Variants in ZFHX3 observed in about 807,000 individuals in gnomAD.
ZFHX3 encodes the protein zinc finger homeobox 3, also known as zinc finger homeobox protein 3.
A neutral mutation model predicts 279.1 loss-of-function variants in ZFHX3; 42 were observed. The ratio of observed to expected loss-of-function variants is 0.15; its 90% confidence interval spans 0.12 to 0.19. ZFHX3 has a LOEUF of 0.19. ZFHX3 is among the 10% of genes least tolerant of loss of function. The pLI is 1.00. For missense variants in ZFHX3, 4,981 were observed against 4,754.0 expected (o/e 1.05, Z -1.40); for synonymous variants, 2,293 against 1,957.8 (o/e 1.17, Z -4.52).
At chr16:73,096,830 T>G (rs1352620353) in intron 7 of ZFHX3, among the ~76,000 whole-genome samples, 1 of 152,040 alleles carries the variant, frequency 6.6e-6, no homozygotes, top group Non-Finnish European at 1.5e-5. Context: ...AAGCTTGCCT[T>G]TAGAACCTCA....
intron 1 of ZFHX3, among the ~76,000 whole-genome samples, chr16:73,055,696 G>GTGCA (rs1965536468): frequency 1.1e-5 from 1 of 94,692 alleles, no homozygotes; most frequent in African/African-American, 3.2e-5. Context: ...GCGCGCGCGC[G>GTGCA]CGCACACACA....
intron 8 of ZFHX3, among the ~76,000 whole-genome samples, chr16:73,090,972 G>A (rs1966071216): frequency 6.7e-6 from 1 of 149,754 alleles, no homozygotes; most frequent in Admixed American, 6.6e-5. Context: ...AGCACTTTGG[G>A]AGGCTGTGGC....
chr16:73,759,721 T>C (rs988277286), intron 1 of ZFHX3, among the ~76,000 whole-genome samples: 2 of 152,192 alleles, frequency 1.3e-5, no homozygotes, highest in Non-Finnish European at 2.9e-5. Context: ...AACTGGAGGA[T>C]ACTTTGGTTT....
intron 3 of ZFHX3, among the ~76,000 whole-genome samples, chr16:72,909,531 C>G (rs1004650768): frequency 1.2e-4 from 18 of 151,258 alleles, no homozygotes; most frequent in African/African-American, 4.4e-4. Context: ...TCACACACAC[C>G]CTCTTAAACA....
rs2229287 is a variant in ZFHX3 at position 72,794,435 on chromosome 16, C to T, written c.8247G>A (p.Ala2749=). 1.3e-3 allele frequency: 2,042 copies of T among 1,613,636 alleles called. 27 individuals are homozygous for T. The African/African-American group carries it at 0.023, about 18-fold the overall frequency. The part of the protein sequence containing the change: ...KRAGYNLTLS[A]MLLDCDGGLQ... ...GTCCCCCATCACAGTCTAAGAGCAT[C>T]GCAGACAGAGTTAGGTTGTAGCCAG... The change falls in exon 9 of 10, where the codon GCG becomes GCA. Residue 2749 remains alanine (A), a synonymous_variant. Transcript: ENST00000268489. The surrounding 1 kb of genome is among the most constrained non-coding windows in gnomAD (Gnocchi z 4.2).
intron 3 of ZFHX3, among the ~76,000 whole-genome samples, chr16:73,321,189 C>T (rs1715536561): frequency 1.3e-5 from 2 of 152,316 alleles, no homozygotes; most frequent in South Asian, 4.1e-4. Flanking sequence ...CGTGATAGAA[C>T]ATTGCTCTCT....
chr16:73,321,688 A>G (rs1393577139), intron 3 of ZFHX3, among the ~76,000 whole-genome samples: 1 of 152,212 alleles, frequency 6.6e-6, no homozygotes, highest in Non-Finnish European at 1.5e-5. Context: ...CACCAGAGAG[A>G]GGCAGGCCTG....
chr16:73,597,059 C>T (rs2052058436), intron 2 of ZFHX3, among the ~76,000 whole-genome samples: 1 of 152,184 alleles, frequency 6.6e-6, no homozygotes, highest in Admixed American at 6.5e-5. Flanking sequence ...ACCATATGTA[C>T]TGTTCTCCAG....
intron 2 of ZFHX3, among the ~76,000 whole-genome samples, chr16:73,508,194 A>G (rs991152892): frequency 1.3e-5 from 2 of 151,514 alleles, no homozygotes; most frequent in Non-Finnish European, 3.0e-5. Context: ...CCTCAATGCC[A>G]TCTGTGAAAG....
chr16:72,823,953 GA>G (rs900016690), intron 5 of ZFHX3, among the ~76,000 whole-genome samples: 2 of 150,226 alleles, frequency 1.3e-5, no homozygotes, highest in African/African-American at 4.9e-5. Flanking sequence ...TTGGAAAAAC[GA>G]AAAAAAAAGT....
intron 4 of ZFHX3, among the ~76,000 whole-genome samples, chr16:73,315,430 G>A (rs12716874): frequency 0.87 from 132,934 of 152,062 alleles, 58,589 homozygotes; most frequent in African/African-American, 0.94. Flanking sequence ...TAGGAAAATC[G>A]CTCTTGATAT....
intron 5 of ZFHX3, among the ~76,000 whole-genome samples, chr16:72,826,375 G>A (rs901906611): frequency 2.0e-5 from 3 of 152,128 alleles, no homozygotes; most frequent in African/African-American, 7.2e-5. Flanking sequence ...ATCATGAACA[G>A]CCACTAATCA....
chr16:72,787,769 G>T lies in ZFHX3; in HGVS notation c.10507C>A (p.His3503Asn), dbSNP rs1202774886. ...CCGCCGCCGCCGCCGGTGGGGACGT[G>T]AAGCACCATCTCTTGCAGGTTCACC... is the stretch of plus-strand genomic sequence containing the variant. The part of the protein sequence containing the change: ...SVVNLQEMVL[H>N]VPTGGGGGGS... The change falls in exon 10 of 10, where the codon CAC becomes AAC. Residue 3503 changes from histidine to asparagine, a missense_variant. Coordinates refer to ENST00000268489, the MANE Select transcript of ZFHX3 (RefSeq NM_006885.4). 3 of 1,470,576 alleles carry T rather than the reference G, an allele frequency of 2.0e-6. No homozygotes were observed. The highest frequency in any genetic ancestry group is 2.7e-6 in the Non-Finnish European group (3 of 1,108,122). 91.1% of individuals were successfully genotyped at this position (1,470,576 alleles called of 1,614,324 possible). A position where few individuals can be genotyped will look rare whatever the true frequency, so the allele number is the denominator to read the frequency against.
At chr16:73,161,107 G>A (rs1341562651) in intron 5 of ZFHX3, among the ~76,000 whole-genome samples, 1 of 152,042 alleles carries the variant, frequency 6.6e-6, no homozygotes, top group Admixed American at 6.5e-5. Flanking sequence ...CGAGTAGCTG[G>A]GACTACAGGC....
At chr16:72,924,117 C>T (rs930523523) in intron 3 of ZFHX3, among the ~76,000 whole-genome samples, 3 of 152,174 alleles carry the variant, frequency 2.0e-5, no homozygotes, top group African/African-American at 7.2e-5. Context: ...CAAGGAGAGG[C>T]TCACATTTTG....
At chr16:73,094,065 C>T (rs1567661561) in intron 7 of ZFHX3, among the ~76,000 whole-genome samples, 2 of 152,184 alleles carry the variant, frequency 1.3e-5, no homozygotes, top group South Asian at 2.1e-4. Context: ...GTGTGGACCC[C>T]CCCAACCCCC....
At chr16:73,191,912 C>G (rs904195342) in intron 5 of ZFHX3, among the ~76,000 whole-genome samples, 5 of 152,290 alleles carry the variant, frequency 3.3e-5, no homozygotes, top group African/African-American at 1.2e-4. Flanking sequence ...ATGTTGGGAG[C>G]AGAGGGAAGG....
intron 2 of ZFHX3, among the ~76,000 whole-genome samples, chr16:73,539,087 CAG>C: frequency 6.6e-6 from 1 of 152,140 alleles, no homozygotes; most frequent in Non-Finnish European, 1.5e-5. Flanking sequence ...CCACTAAAAA[CAG>C]AAACTAATAG....
chr16:73,168,279 C>CTTTCTTTCTTTCTTTCTTTCTA (rs1555502322), intron 5 of ZFHX3, among the ~76,000 whole-genome samples: 1 of 143,642 alleles, frequency 7.0e-6, no homozygotes, highest in Non-Finnish European at 1.5e-5. Context: ...TTCTTTCTTT[C>CTTTCTTTCTTTCTTTCTTTCTA]GAGACAAAGT....
Sources: gnomAD v4.1 joint callset for allele counts (sites outside exome capture counted in the v4.1 genomes callset) on GRCh38, gnomAD v4.1.1 for gene constraint, Gnocchi (gnomAD v3.1) non-coding constraint, MANE v1.5 for transcripts, NCBI Gene and HGNC (gene_info 2026-07-23, HGNC 2026-07-21) for gene names.